Variants in ARHGEF28 observed in about 807,000 individuals in gnomAD.
ARHGEF28 encodes 190 kDa guanine nucleotide exchange factor.
ARHGEF28 carries 152 observed loss-of-function variants against 206.6 expected under a neutral mutation model. The observed-to-expected ratio is 0.74, with a 90% CI of 0.64 to 0.84. The LOEUF is 0.84. Ranked by LOEUF, ARHGEF28 falls within the 40% of genes least tolerant of loss-of-function variation. The pLI is 0.00. For synonymous variants in ARHGEF28, 763 were observed against 776.4 expected (o/e 0.98, Z 0.29); for missense variants, 2,028 against 2,073.2 (o/e 0.98, Z 0.42).
chr5:73,933,998 C>CT (rs2112038731), intron 35 of ARHGEF28, among the ~76,000 whole-genome samples: 1 of 150,784 alleles, frequency 6.6e-6, no homozygotes, highest in South Asian at 2.1e-4. Context: ...TGGTGTGTCT[C>CT]TTAAGTCTCT....
intron 9 of ARHGEF28, among the ~76,000 whole-genome samples, chr5:73,795,751 G>C (rs1192775184): frequency 1.3e-5 from 2 of 152,122 alleles, no homozygotes; most frequent in African/African-American, 4.8e-5. Context: ...GTAGATGGTG[G>C]AACCGAGACT....
Position 73,904,256 on chromosome 5 carries a change from C to T in ARHGEF28, c.4109C>T (p.Ser1370Leu). Reference sequence around the variant, plus strand: ...AGAAATTTTCCAGGTTCTTCACAATCAGAGGTGAGCTGCTGCACATACCTT... The same window carrying T: ...AGAAATTTTCCAGGTTCTTCACAATTAGAGGTGAGCTGCTGCACATACCTT... ...ECRNFPGSSQ[S>L]EIIQAIQNLT... Residue 1370 changes from serine to leucine, a missense_variant, in exon 32 of 36, where the codon TCA becomes TTA. By Grantham distance (145) the Ser-to-Leu change is moderately radical (BLOSUM62 -2). Transcript: ENST00000513042. 1 of 1,613,906 alleles carries T rather than the reference C, an allele frequency of 6.2e-7. No homozygotes were observed. The highest frequency in any genetic ancestry group is 8.5e-7 in the Non-Finnish European group (1 of 1,179,830).
chr5:73,723,644 C>G (rs896845175), intron 2 of ARHGEF28, among the ~76,000 whole-genome samples: 1 of 152,144 alleles, frequency 6.6e-6, no homozygotes, highest in African/African-American at 2.4e-5. Context: ...AACAAAAAAA[C>G]CAGTTCCCCC....
intron 1 of ARHGEF28, among the ~76,000 whole-genome samples, chr5:73,630,178 T>C (rs115349940): frequency 0.01 from 1,550 of 152,362 alleles, 21 homozygotes; most frequent in African/African-American, 0.036. Flanking sequence ...GTATATTGTA[T>C]ATATTAATGA....
At chr5:73,794,729 C>T (rs1336975395) in intron 8 of ARHGEF28, among the ~76,000 whole-genome samples, 1 of 151,572 alleles carries the variant, frequency 6.6e-6, no homozygotes, top group East Asian at 1.9e-4. Flanking sequence ...GCCTCACCCT[C>T]CTGAGTAGCT....
chr5:73,928,153 C>T (rs1206791626), intron 35 of ARHGEF28, among the ~76,000 whole-genome samples: 1 of 152,100 alleles, frequency 6.6e-6, no homozygotes, highest in Non-Finnish European at 1.5e-5. Flanking sequence ...CATTTGTAGA[C>T]CTTAGAAGTA....
intron 1 of ARHGEF28, among the ~76,000 whole-genome samples, chr5:73,648,428 T>C (rs1744583588): frequency 6.6e-6 from 1 of 152,220 alleles, no homozygotes; most frequent in Non-Finnish European, 1.5e-5. Flanking sequence ...GAAATATTAT[T>C]ATAAATCTAT....
intron 10 of ARHGEF28, among the ~76,000 whole-genome samples, chr5:73,836,031 ATTTTCT>A (rs144924012): frequency 0.1 from 15,898 of 152,120 alleles, 898 homozygotes; most frequent in Non-Finnish European, 0.13. Context: ...TATGTGCCAC[ATTTTCT>A]TTATTCATCT....
intron 22 of ARHGEF28, among the ~76,000 whole-genome samples, chr5:73,874,489 C>T (rs1760314207): frequency 6.6e-6 from 1 of 150,936 alleles, no homozygotes; most frequent in Admixed American, 6.6e-5. Context: ...TATACATGTG[C>T]CAAGCTGGTG....
At chr5:73,862,206 A>G (rs1036072070) in intron 16 of ARHGEF28, among the ~76,000 whole-genome samples, 3 of 152,196 alleles carry the variant, frequency 2.0e-5, no homozygotes, top group East Asian at 1.9e-4. Flanking sequence ...TCTGTTACAC[A>G]TAAATTTATA....
chr5:73,641,114 T>C (rs1744054017), intron 1 of ARHGEF28, among the ~76,000 whole-genome samples: 1 of 152,242 alleles, frequency 6.6e-6, no homozygotes, highest in Admixed American at 6.5e-5. Flanking sequence ...ACACTGTTCT[T>C]ACATTCTTCC....
rs765579579 is a variant in ARHGEF28 at position 73,904,253 on chromosome 5, A to T, written c.4106A>T (p.Gln1369Leu). ...TGTAGAAATTTTCCAGGTTCTTCAC[A>T]ATCAGAGGTGAGCTGCTGCACATAC... The part of the protein sequence containing the change: ...VECRNFPGSS[Q>L]SEIIQAIQNL... Residue 1369 changes from glutamine to leucine, a missense_variant, in exon 32 of 36, where the codon CAA becomes CTA. Physicochemically the swap from Gln to Leu is moderately radical, Grantham distance 113. Transcript: ENST00000513042. 52 of 1,613,802 alleles carry T rather than the reference A, an allele frequency of 3.2e-5. No homozygotes were observed. In the East Asian group the frequency reaches 1.1e-3, roughly 34 times the overall value.
intron 22 of ARHGEF28, among the ~76,000 whole-genome samples, chr5:73,881,021 AG>A (rs1166984228): frequency 1.4e-5 from 2 of 139,684 alleles, no homozygotes; most frequent in Non-Finnish European, 3.0e-5. Flanking sequence ...TATGAGACTT[AG>A]TAGGTTAAGT....
chr5:73,635,076 G>T (rs1743609657), intron 1 of ARHGEF28, among the ~76,000 whole-genome samples: 1 of 152,140 alleles, frequency 6.6e-6, no homozygotes, highest in Non-Finnish European at 1.5e-5. Context: ...GGGTGCAGTG[G>T]CTCACGCTTG....
In ARHGEF28 at chr5:73,941,187, C is replaced by A; in HGVS notation, c.*174C>A. On this transcript the variant is annotated 3_prime_UTR_variant, in exon 36 of 36. Coordinates refer to ENST00000513042, the MANE Select transcript of ARHGEF28 (RefSeq NM_001177693.2). ...TGAGTCTAATTAAATTATTGAAAGC[C>A]ACCCTGTTTGTATAATCTTTAACTT... 2.1e-6 allele frequency: 1 copy of A among 466,476 alleles called. No homozygotes were observed. Among genetic ancestry groups the A allele is most frequent in the Non-Finnish European group, 3.3e-6 (1 of 298,688 alleles). 28.9% of individuals were successfully genotyped at this position (466,476 alleles called of 1,614,324 possible). A position where few individuals can be genotyped will look rare whatever the true frequency, so the allele number is the denominator to read the frequency against.
intron 9 of ARHGEF28, among the ~76,000 whole-genome samples, chr5:73,825,236 G>A (rs561430970): frequency 2.0e-4 from 30 of 152,320 alleles, no homozygotes; most frequent in African/African-American, 7.0e-4. Context: ...AGCAAGGGTT[G>A]GCGGTTGCCA....
At chr5:73,635,653 T>G (rs935003922) in intron 1 of ARHGEF28, among the ~76,000 whole-genome samples, 1 of 152,192 alleles carries the variant, frequency 6.6e-6, no homozygotes, top group Non-Finnish European at 1.5e-5. Flanking sequence ...GTCTCCTTTT[T>G]TATTATCAGA....
At chr5:73,937,349 T>C (rs1229775862) in intron 35 of ARHGEF28, among the ~76,000 whole-genome samples, 2 of 152,228 alleles carry the variant, frequency 1.3e-5, no homozygotes, top group Non-Finnish European at 2.9e-5. Flanking sequence ...AGCTCAGTAA[T>C]GTAGCAGAAA....
At chr5:73,733,403 T>G (rs1202529392) in intron 2 of ARHGEF28, among the ~76,000 whole-genome samples, 1 of 152,210 alleles carries the variant, frequency 6.6e-6, no homozygotes, top group Non-Finnish European at 1.5e-5. Flanking sequence ...TGTTTAAAGC[T>G]AAACAGTGAT....
Sources: allele counts gnomAD v4.1 joint callset (sites outside exome capture counted in the v4.1 genomes callset), GRCh38; gene constraint gnomAD v4.1.1; transcripts MANE v1.5; gene names NCBI Gene and HGNC (gene_info 2026-07-23, HGNC 2026-07-21).